TSHZ2: variants seen among roughly 807,000 people sequenced by gnomAD.
The protein encoded by TSHZ2 is teashirt zinc finger homeobox 2, also known as teashirt homolog 2.
A neutral mutation model predicts 74.4 loss-of-function variants in TSHZ2; 21 were observed. The ratio of observed to expected loss-of-function variants is 0.28; its 90% CI spans 0.20 to 0.41. TSHZ2 has a LOEUF of 0.41. TSHZ2 is among the 10% of genes least tolerant of loss of function. TSHZ2 has a pLI of 1.00. For missense variants in TSHZ2, 1,244 were observed against 1,293.5 expected (o/e 0.96, Z 0.59); for synonymous variants, 540 against 515.3 (o/e 1.05, Z -0.65).
At chr20:53,016,999 A>G (rs1177186913) in intron 1 of TSHZ2, among the ~76,000 whole-genome samples, 1 of 152,184 alleles carries the variant, frequency 6.6e-6, no homozygotes, top group Non-Finnish European at 1.5e-5. Context: ...GAGGAGAAGG[A>G]GAATGGAAAT....
chr20:53,121,747 C>T (rs187492683), intron 1 of TSHZ2, among the ~76,000 whole-genome samples: 1 of 152,160 alleles, frequency 6.6e-6, no homozygotes, highest in Non-Finnish European at 1.5e-5. Context: ...GAGATACAGC[C>T]TGAAGACTGC....
chr20:53,469,585 G>GAAGC lies in TSHZ2; in HGVS notation c.*9-17556_*9-17555insCAAG, dbSNP rs1475685943. Among the ~76,000 whole-genome samples, 6 of 121,524 alleles carry GAAGC rather than the reference G, an allele frequency of 4.9e-5. 1 individual carries two copies. The highest frequency in any genetic ancestry group is 1.8e-4 in the African/African-American group (6 of 33,136). The allele number at this position is 121,524 out of a possible 152,430, so 79.7% of individuals were successfully genotyped here. A position where few individuals can be genotyped will look rare whatever the true frequency, so the allele number is the denominator to read the frequency against. On this transcript the variant is annotated intron_variant, in intron 2 of 2. Coordinates refer to ENST00000371497, the MANE Select transcript of TSHZ2 (RefSeq NM_173485.6). ...GGAAGGAAGGAAGGAAGGAAGGAAGGAAGGAAGGAAGGACCCAAGAAAGAT... is the reference window on the plus strand; with the variant it reads ...GGAAGGAAGGAAGGAAGGAAGGAAGGAAGCAAGGAAGGAAGGACCCAAGAAAGAT...
At chr20:53,231,540 A>G (rs1227581381) in intron 1 of TSHZ2, among the ~76,000 whole-genome samples, 6 of 152,188 alleles carry the variant, frequency 3.9e-5, no homozygotes, top group Non-Finnish European at 8.8e-5. Flanking sequence ...GCTGGAGGGG[A>G]GAAGAGGTCA....
chr20:53,328,282 T>C (rs1280160408), intron 2 of TSHZ2, among the ~76,000 whole-genome samples: 1 of 152,238 alleles, frequency 6.6e-6, no homozygotes, highest in African/African-American at 2.4e-5. Flanking sequence ...ATAGAGCCTA[T>C]TCTGGAAAAT....
intron 2 of TSHZ2, among the ~76,000 whole-genome samples, chr20:53,393,164 C>T (rs1568897955): frequency 6.6e-6 from 1 of 152,202 alleles, no homozygotes; most frequent in Non-Finnish European, 1.5e-5. Context: ...CTCCTCCTAT[C>T]CTCCACCCTC....
chr20:53,377,145 T>C (rs1002318340), intron 2 of TSHZ2, among the ~76,000 whole-genome samples: 1 of 152,236 alleles, frequency 6.6e-6, no homozygotes, highest in African/African-American at 2.4e-5. Context: ...AAGACTTGTG[T>C]AAGTCAAGGC....
At chr20:53,015,697 T>A (rs1244156439) in intron 1 of TSHZ2, among the ~76,000 whole-genome samples, 1 of 152,174 alleles carries the variant, frequency 6.6e-6, no homozygotes, top group Non-Finnish European at 1.5e-5. Flanking sequence ...CCTCATTATT[T>A]TGGAAGAAAT....
intron 1 of TSHZ2, among the ~76,000 whole-genome samples, chr20:53,143,162 G>A (rs1439126372): frequency 6.6e-6 from 1 of 152,222 alleles, no homozygotes; most frequent in Non-Finnish European, 1.5e-5. Context: ...TAAGGGGCCT[G>A]TAGGAGTGAA....
chr20:53,458,460 A>G (rs1297376175), intron 2 of TSHZ2, among the ~76,000 whole-genome samples: 1 of 151,124 alleles, frequency 6.6e-6, no homozygotes, highest in South Asian at 2.1e-4. Context: ...TTTTTTCTTT[A>G]TTAGTCTTGC....
intron 1 of TSHZ2, among the ~76,000 whole-genome samples, chr20:53,242,281 A>C (rs1225805651): frequency 6.6e-6 from 1 of 152,086 alleles, no homozygotes; most frequent in African/African-American, 2.4e-5. Context: ...AATGTCCTCA[A>C]ACGTTGTCCC....
intron 1 of TSHZ2, among the ~76,000 whole-genome samples, chr20:53,076,801 C>A (rs954430512): frequency 1.3e-5 from 2 of 152,078 alleles, no homozygotes; most frequent in African/African-American, 4.8e-5. Flanking sequence ...GATGGAGGAT[C>A]CTGGAAGGCT....
chr20:53,308,868 G>C (rs779860814), intron 2 of TSHZ2, among the ~76,000 whole-genome samples: 1 of 152,238 alleles, frequency 6.6e-6, no homozygotes, highest in Non-Finnish European at 1.5e-5. Flanking sequence ...ACGGTGTTAA[G>C]CACCTGGGAG....
At chr20:52,976,014 G>T (rs990199866) in intron 1 of TSHZ2, among the ~76,000 whole-genome samples, 3 of 152,200 alleles carry the variant, frequency 2.0e-5, no homozygotes, top group Non-Finnish European at 2.9e-5. Flanking sequence ...GATAGAAAAA[G>T]CCTGTGAGTG....
At chr20:53,332,842 T>G (rs1979781441) in intron 2 of TSHZ2, among the ~76,000 whole-genome samples, 1 of 152,226 alleles carries the variant, frequency 6.6e-6, no homozygotes, top group African/African-American at 2.4e-5. Context: ...ACTCAATTTG[T>G]TTTGTACAGA....
At chr20:53,331,766 T>C (rs1185610909) in intron 2 of TSHZ2, among the ~76,000 whole-genome samples, 1 of 151,936 alleles carries the variant, frequency 6.6e-6, no homozygotes, top group Non-Finnish European at 1.5e-5. Context: ...AATGTTTTCC[T>C]GGGTGGAGTC....
At position 53,488,400 on chromosome 20, in the gene TSHZ2, G is replaced by C. The variant is rs548220574; in HGVS notation, c.*1265G>C. 1 of 152,768 alleles carries C rather than the reference G, an allele frequency of 6.5e-6. No individual in the cohort carries two copies. The highest frequency in any genetic ancestry group is 1.9e-4 in the East Asian group (1 of 5,204). 9.5% of individuals were successfully genotyped at this position (152,768 alleles called of 1,614,324 possible). A position where few individuals can be genotyped will look rare whatever the true frequency, so the allele number is the denominator to read the frequency against. ...AATCAGGTCCTAAGTCAACTTGGAAGAGCTAAGAGCATGTTTTAATATTAA... is the reference window on the plus strand; with the variant it reads ...AATCAGGTCCTAAGTCAACTTGGAACAGCTAAGAGCATGTTTTAATATTAA... On this transcript the variant is annotated 3_prime_UTR_variant, in exon 3 of 3. Transcript: ENST00000371497.
intron 2 of TSHZ2, among the ~76,000 whole-genome samples, chr20:53,358,329 CTTTTTTT>C (rs57906027): frequency 8.9e-5 from 6 of 67,052 alleles, no homozygotes; most frequent in African/African-American, 1.9e-4. Flanking sequence ...TTCTGTGGTT[CTTTTTTT>C]TTTTTTTTTT....
chr20:53,481,196 T>C (rs2145854933), intron 2 of TSHZ2, among the ~76,000 whole-genome samples: 1 of 152,290 alleles, frequency 6.6e-6, no homozygotes, highest in South Asian at 2.1e-4. Context: ...TTCCCTTCAT[T>C]TTTCAGGTTT....
At chr20:53,226,471 T>C (rs1412696752) in intron 1 of TSHZ2, among the ~76,000 whole-genome samples, 1 of 152,010 alleles carries the variant, frequency 6.6e-6, no homozygotes, top group African/African-American at 2.4e-5. Context: ...ACTCTCTCTC[T>C]TAATTAGAAT....
Sources: allele counts gnomAD v4.1 joint callset (sites outside exome capture counted in the v4.1 genomes callset), GRCh38; gene constraint gnomAD v4.1.1; transcripts MANE v1.5; gene names NCBI Gene and HGNC (gene_info 2026-07-23, HGNC 2026-07-21).